The following TENM3 variants were observed in gnomAD, a reference collection of about 807,000 sequenced individuals.
The protein encoded by TENM3 is teneurin transmembrane protein 3.
TENM3 carries 63 observed loss-of-function variants against 255.1 expected under a neutral mutation model. The ratio of observed to expected loss-of-function variants is 0.25; its 90% CI spans 0.20 to 0.30. The LOEUF (loss-of-function observed/expected upper bound fraction) is 0.30, where lower values mean the gene tolerates loss of function less well. Among genes scored for constraint, TENM3 ranks in the 10% least tolerant of loss-of-function variants. The pLI, the probability that TENM3 is intolerant of heterozygous loss-of-function variation, is 1.00. For missense variants in TENM3, 2,929 were observed against 3,461.1 expected (o/e 0.85, Z 3.86); for synonymous variants, 1,306 against 1,322.3 (o/e 0.99, Z 0.27).
At chr4:182,242,240 A>G (rs1437477152), upstream of TENM3, among the ~76,000 whole-genome samples, 8 of 151,632 alleles carry the variant, frequency 5.3e-5, no homozygotes, top group East Asian at 7.8e-4. Context: ...CCCGGTGTGT[A>G]ATGTTCCCCT....
At chr4:182,783,122 C>A (rs1439560489) in intron 24 of TENM3, among the ~76,000 whole-genome samples, 2 of 150,690 alleles carry the variant, frequency 1.3e-5, no homozygotes, top group Non-Finnish European at 3.0e-5. Flanking sequence ...TTATTTTGCT[C>A]GTTAGTTGAT....
chr4:182,531,833 A>G (rs145587281), intron 3 of TENM3, among the ~76,000 whole-genome samples: 349 of 152,310 alleles, frequency 2.3e-3, no homozygotes, highest in South Asian at 0.018. Context: ...ACAGAAGGAA[A>G]GCGGATTCAG....
At chr4:181,651,015 C>A in the TENM3 span, among the ~76,000 whole-genome samples, 1 of 152,208 alleles carries the variant, frequency 6.6e-6, no homozygotes. Context: ...TAGGTGATTT[C>A]TCCGGCCTTC....
At chr4:182,000,959 G>A in the TENM3 span, among the ~76,000 whole-genome samples, 1 of 146,462 alleles carries the variant, frequency 6.8e-6, no homozygotes, top group African/African-American at 2.5e-5. Flanking sequence ...ATGTTTTGAA[G>A]AATTAAAGCC....
chr4:181,533,741 A>G, the TENM3 span, among the ~76,000 whole-genome samples: 1 of 152,270 alleles, frequency 6.6e-6, no homozygotes, highest in South Asian at 2.1e-4. Flanking sequence ...TAAATTAAAA[A>G]AAAAAAAAAC....
chr4:181,675,913 T>C, the TENM3 span, among the ~76,000 whole-genome samples: 1 of 152,012 alleles, frequency 6.6e-6, no homozygotes, highest in African/African-American at 2.4e-5. Context: ...CTTAGGGAAA[T>C]ATGGAAATAT....
chr4:181,705,635 T>C, the TENM3 span, among the ~76,000 whole-genome samples: 1 of 152,228 alleles, frequency 6.6e-6, no homozygotes, highest in Non-Finnish European at 1.5e-5. Flanking sequence ...AGAGAGCTAA[T>C]CCATGCTGGG....
intron 1 of TENM3, among the ~76,000 whole-genome samples, chr4:182,305,570 T>C (rs1245015673): frequency 6.6e-6 from 1 of 152,230 alleles, no homozygotes; most frequent in Non-Finnish European, 1.5e-5. Flanking sequence ...ACTTTACTGA[T>C]ATTTTAGCCA....
At chr4:182,429,354 G>T (rs4241747) in intron 3 of TENM3, among the ~76,000 whole-genome samples, 100,232 of 152,052 alleles carry the variant, frequency 0.66, 33,486 homozygotes, top group East Asian at 0.92. Flanking sequence ...AACTTTTAAG[G>T]CAGTGTTTAT....
At chr4:181,480,503 T>A in the TENM3 span, among the ~76,000 whole-genome samples, 1 of 152,104 alleles carries the variant, frequency 6.6e-6, no homozygotes, top group East Asian at 1.9e-4. Flanking sequence ...GTGAATGAAC[T>A]GGTGATATTA....
the TENM3 span, among the ~76,000 whole-genome samples, chr4:181,792,976 T>C: frequency 6.6e-6 from 1 of 152,018 alleles, no homozygotes; most frequent in Non-Finnish European, 1.5e-5. Flanking sequence ...TTTTTTTTCC[T>C]GGAAAAGACT....
chr4:181,627,330 A>G, the TENM3 span, among the ~76,000 whole-genome samples: 1 of 152,100 alleles, frequency 6.6e-6, no homozygotes, highest in Non-Finnish European at 1.5e-5. Context: ...GTAAGTGTGC[A>G]CACATTTCTT....
At chr4:181,695,298 C>G in the TENM3 span, among the ~76,000 whole-genome samples, 2 of 152,136 alleles carry the variant, frequency 1.3e-5, no homozygotes, top group Non-Finnish European at 2.9e-5. Flanking sequence ...CCAGAATTTA[C>G]TGGAAGACAA....
intron 3 of TENM3, among the ~76,000 whole-genome samples, chr4:182,385,643 T>A (rs967867274): frequency 6.6e-6 from 1 of 152,168 alleles, no homozygotes; most frequent in Non-Finnish European, 1.5e-5. Context: ...GAGGCTTTGT[T>A]AAAAGTTATT....
chr4:182,137,250 A>C, the TENM3 span, among the ~76,000 whole-genome samples: 2 of 152,102 alleles, frequency 1.3e-5, no homozygotes, highest in Non-Finnish European at 2.9e-5. Context: ...TGTGTTAAAA[A>C]CAGGAAAGTT....
Position 182,680,660 on chromosome 4 carries a change from A to G in TENM3, c.1757A>G (p.Gln586Arg), listed in dbSNP as rs1436268250. Residue 586 changes from glutamine (Q) to arginine (R), a missense_variant, in exon 10 of 28, where the codon CAG (glutamine) becomes CGG (arginine). Gln to Arg is a conservative substitution (Grantham distance 43). Coordinates refer to ENST00000511685, the MANE Select transcript of TENM3 (RefSeq NM_001080477.4). ...CCGACTACCCAGTGTATTGACCCAC[A>G]GTGTGGGGGTCGTGGGATTTGTATC... is the stretch of plus-strand genomic sequence containing the variant. ...DVPTTQCIDP[Q>R]CGGRGICIMG... is the part of the protein sequence containing the mutation. The G allele has an allele frequency of 2.5e-6, 4 of 1,609,432 alleles. No individual in the cohort carries two copies. The highest frequency in any genetic ancestry group is 1.3e-5 in the African/African-American group (1 of 74,550).
intron 3 of TENM3, among the ~76,000 whole-genome samples, chr4:182,486,759 GGTCCAGATTGTCT>G (rs773832464): frequency 1.1e-4 from 17 of 152,076 alleles, no homozygotes; most frequent in Non-Finnish European, 2.4e-4. Flanking sequence ...ATCCAGTTGT[GGTCCAGATTGTCT>G]TATTGTAAAG....
At chr4:181,533,891 G>C in the TENM3 span, among the ~76,000 whole-genome samples, 1 of 152,068 alleles carries the variant, frequency 6.6e-6, no homozygotes, top group South Asian at 2.1e-4. Flanking sequence ...ACTTTAACCA[G>C]TGCTATTATC....
Position 182,635,047 on chromosome 4 carries a change from T to G in TENM3, c.988+6158T>G, listed in dbSNP as rs575848497. Among the ~76,000 whole-genome samples, 303 of 152,320 alleles carry G rather than the reference T, an allele frequency of 2.0e-3. 1 individual carries two copies. Among genetic ancestry groups the G allele is most frequent in the African/African-American group, 7.0e-3 (289 of 41,572 alleles). On this transcript the variant is annotated intron_variant, in intron 5 of 27. Coordinates refer to ENST00000511685, the MANE Select transcript of TENM3 (RefSeq NM_001080477.4). ...TTCAAATAACACCGTTATAGACCTT[T>G]AATTTCGTGAGCATCTCTGTGCACT...
Sources: allele counts gnomAD v4.1 joint callset (sites outside exome capture counted in the v4.1 genomes callset), GRCh38; gene constraint gnomAD v4.1.1; transcripts MANE v1.5; gene names NCBI Gene and HGNC (gene_info 2026-07-23, HGNC 2026-07-21).